The following ANK2 variants were observed in gnomAD, a reference collection of about 807,000 sequenced individuals.
ANK2 encodes ankyrin 2, also known as ankyrin-2.
In ANK2, 83 loss-of-function variants were observed where a neutral mutation model predicts 360.5. The observed-to-expected ratio is 0.23, with a 90% CI of 0.19 to 0.28. The LOEUF (loss-of-function observed/expected upper bound fraction) is 0.28, where lower values mean the gene tolerates loss of function less well. Among genes scored for constraint, ANK2 ranks in the 10% least tolerant of loss-of-function variants. The probability of loss-of-function intolerance (pLI) is 1.00; values close to 1 mark genes in which losing one functional copy is unlikely to be tolerated. For missense variants in ANK2, 4,201 were observed against 4,795.7 expected (o/e 0.88, Z 3.66); for synonymous variants, 1,740 against 1,759.5 (o/e 0.99, Z 0.28).
At chr4:112,853,309 C>A (rs552359175) in intron 1 of ANK2, among the ~76,000 whole-genome samples, 1 of 152,158 alleles carries the variant, frequency 6.6e-6, no homozygotes, top group South Asian at 2.1e-4. Flanking sequence ...CCTCTTGATC[C>A]GCCCACCTCG....
chr4:113,277,851 C>T lies in ANK2; in HGVS notation c.1698C>T (p.Pro566=), dbSNP rs764406723. 9 of 1,613,468 alleles carry T rather than the reference C, an allele frequency of 5.6e-6. No homozygotes were observed. In the Admixed American group the frequency reaches 1.2e-4, roughly 21 times the overall value. Residue 566 remains proline, a synonymous_variant, in exon 16 of 46, where the codon CCC becomes CCT. Transcript: ENST00000357077. ...CACATTTTCAGAAGGGTTTTACTCC[C>T]CTGCATGTAGCAGCCAAGTATGGAA... is the stretch of plus-strand genomic sequence containing the variant. The part of the protein sequence containing the change: ...HSLATKKGFT[P]LHVAAKYGSL...
chr4:113,354,467 C>A lies in ANK2; in HGVS notation c.5849C>A (p.Pro1950His), dbSNP rs1241451043. 1.9e-6 allele frequency: 3 copies of A among 1,614,004 alleles called. No homozygotes were observed. The Admixed American group carries it at 5.0e-5, about 27-fold the overall frequency. Residue 1950 changes from proline (P) to histidine (H), a missense_variant, in exon 38 of 46, where the codon CCT becomes CAT. Pro to His is a moderately conservative substitution (Grantham distance 77). Transcript: ENST00000357077. ...SPSGRTDKHQ[P>H]VSTAGKTEKH... is the part of the protein sequence containing the mutation. The stretch of plus-strand genomic sequence containing the variant: ...TCCGGAAGAACGGACAAGCACCAAC[C>A]TGTATCAACAGCTGGGAAAACTGAG...
chr4:112,777,649 G>A, the ANK2 span, among the ~76,000 whole-genome samples: 98 of 138,902 alleles, frequency 7.1e-4, no homozygotes, highest in African/African-American at 2.4e-3. Flanking sequence ...ACAGAGTCTC[G>A]CTCTGTCACC....
At chr4:112,863,592 G>A (rs561665700) in intron 1 of ANK2, among the ~76,000 whole-genome samples, 1 of 139,970 alleles carries the variant, frequency 7.1e-6, no homozygotes, top group South Asian at 2.2e-4. Context: ...GCGCGATCTC[G>A]GCTCACTGCA....
In ANK2 at chr4:112,958,454, C is replaced by T. The variant is rs536752207; in HGVS notation, c.21+53940C>T. ...CAAAAAAATACGAAAAACAGCCAGG[C>T]GTGGCGGCGTGCGCCTGCAATCGCA... is the stretch of plus-strand genomic sequence containing the variant. On this transcript the variant is annotated intron_variant, in intron 2 of 30. Coordinates refer to the ANK2 transcript ENST00000503271. 9.8e-3 allele frequency among the ~76,000 whole-genome samples: 1,484 copies of T among 152,162 alleles called. 25 individuals are homozygous for T. The highest frequency in any genetic ancestry group is 0.034 in the African/African-American group (1,399 of 41,456).
rs756639916 is a variant in ANK2, at chr4:113,369,642, C to T, written c.11447C>T (p.Thr3816Ile). The change falls in exon 43 of 46, where the codon ACA (threonine) becomes ATA (isoleucine). Residue 3816 changes from threonine (T) to isoleucine (I), a missense_variant. Physicochemically the swap from Thr to Ile is moderately conservative, Grantham distance 89. Around this residue, in one of 4 missense-constraint regions of ANK2, gnomAD observed 2,642 missense variants for 2,714.5 expected, o/e 0.97. Transcript: ENST00000357077. ...EEEKLYLQTP[T>I]SSERGGSPII... ...GAGAAGCTGTACCTCCAGACCCCAA[C>T]ATCCAGCGAGCGGGGAGGCTCTCCC... 3.1e-6 allele frequency: 5 copies of T among 1,614,178 alleles called. No homozygotes were observed. The highest frequency in any genetic ancestry group is 4.2e-6 in the Non-Finnish European group (5 of 1,180,026).
At chr4:113,056,744 G>A (rs1348993710) in intron 1 of ANK2, among the ~76,000 whole-genome samples, 1 of 152,074 alleles carries the variant, frequency 6.6e-6, no homozygotes, top group Non-Finnish European at 1.5e-5. Context: ...CAACCCGTAG[G>A]GAGGGTCATT....
the ANK2 span, among the ~76,000 whole-genome samples, chr4:112,748,556 C>T: frequency 6.6e-6 from 1 of 152,112 alleles, no homozygotes; most frequent in African/African-American, 2.4e-5. Flanking sequence ...ACCTATAAGG[C>T]TATGCTAATT....
chr4:113,049,489 T>C (rs1406897378), upstream of ANK2: 14 of 404,602 alleles, frequency 3.5e-5, no homozygotes, highest in Non-Finnish European at 4.7e-5. Context: ...TTTTCAAGGC[T>C]TTCTTCATTG....
At chr4:113,044,278 G>A (rs1428949403) in intron 2 of ANK2, among the ~76,000 whole-genome samples, 1 of 152,148 alleles carries the variant, frequency 6.6e-6, no homozygotes, top group Non-Finnish European at 1.5e-5. Context: ...GTAATTCAGG[G>A]ATTCAGCCTT....
At chr4:113,012,299 C>T (rs1204001622) in intron 2 of ANK2, among the ~76,000 whole-genome samples, 1 of 152,148 alleles carries the variant, frequency 6.6e-6, no homozygotes, top group African/African-American at 2.4e-5. Flanking sequence ...CTGTAATTGT[C>T]TTTTCTGTGC....
intron 2 of ANK2, among the ~76,000 whole-genome samples, chr4:112,970,206 G>T (rs550034186): frequency 6.6e-6 from 1 of 152,040 alleles, no homozygotes; most frequent in African/African-American, 2.4e-5. Context: ...GGCTGATCTC[G>T]AACTCTGCCT....
intron 1 of ANK2, among the ~76,000 whole-genome samples, chr4:112,852,609 G>C (rs974668975): frequency 2.0e-5 from 3 of 152,154 alleles, no homozygotes; most frequent in Admixed American, 2.0e-4. Flanking sequence ...GGGAAGATAC[G>C]AGTCTTAAAA....
At chr4:113,137,898 C>G (rs2096496172) in intron 1 of ANK2, among the ~76,000 whole-genome samples, 1 of 152,174 alleles carries the variant, frequency 6.6e-6, no homozygotes, top group Admixed American at 6.5e-5. Flanking sequence ...CATAAGACCA[C>G]ATTAACATAA....
intron 1 of ANK2, among the ~76,000 whole-genome samples, chr4:113,063,438 A>G (rs1052260996): frequency 6.6e-6 from 1 of 152,096 alleles, no homozygotes; most frequent in African/African-American, 2.4e-5. Context: ...TTCTTTAATG[A>G]TGTGCATTTG....
chr4:112,871,688 A>G (rs1291643179), intron 1 of ANK2, among the ~76,000 whole-genome samples: 2 of 152,124 alleles, frequency 1.3e-5, no homozygotes, highest in Non-Finnish European at 2.9e-5. Flanking sequence ...CTCTTTTTTG[A>G]AAACGTTCAG....
intron 9 of ANK2, among the ~76,000 whole-genome samples, chr4:113,246,750 G>A (rs896926590): frequency 2.6e-5 from 4 of 152,068 alleles, no homozygotes; most frequent in African/African-American, 9.7e-5. Context: ...TAACAATAAT[G>A]GTTTTCAATT....
chr4:112,979,024 C>A (rs2042287538), intron 2 of ANK2, among the ~76,000 whole-genome samples: 1 of 152,208 alleles, frequency 6.6e-6, no homozygotes, highest in Admixed American at 6.5e-5. Context: ...GTCACAGGAT[C>A]CTTTGGGTGT....
At chr4:113,085,450 C>T (rs1005712643) in intron 1 of ANK2, among the ~76,000 whole-genome samples, 3 of 151,882 alleles carry the variant, frequency 2.0e-5, no homozygotes, top group Non-Finnish European at 4.4e-5. Context: ...GGACTACAGG[C>T]GTGTGCCACC....
Sources: allele counts gnomAD v4.1 joint callset (sites outside exome capture counted in the v4.1 genomes callset), GRCh38; gene constraint gnomAD v4.1.1; regional missense constraint gnomAD v4.1.1; transcripts MANE v1.5; gene names NCBI Gene and HGNC (gene_info 2026-07-23, HGNC 2026-07-21).